The following SEMA3E variants were observed in gnomAD, a reference collection of about 807,000 sequenced individuals.
SEMA3E encodes the protein semaphorin 3E.
Under a neutral mutation model 93.6 loss-of-function variants are expected in SEMA3E, and 49 were observed. The ratio of observed to expected loss-of-function variants is 0.52; its 90% confidence interval spans 0.42 to 0.66. The LOEUF is 0.66. SEMA3E is among the 30% of genes least tolerant of loss of function. SEMA3E has a pLI of 0.00. For missense variants in SEMA3E, 906 were observed against 964.8 expected (o/e 0.94, Z 0.81); for synonymous variants, 363 against 330.7 (o/e 1.10, Z -1.06).
chr7:83,430,236 G>A (rs113805611), intron 4 of SEMA3E, among the ~76,000 whole-genome samples: 7 of 152,132 alleles, frequency 4.6e-5, no homozygotes, highest in South Asian at 2.1e-4. Context: ...AAGCCGAGGC[G>A]GGTGGATCAC....
At chr7:83,643,673 G>C (rs531875897) in intron 1 of SEMA3E, among the ~76,000 whole-genome samples, 12 of 151,986 alleles carry the variant, frequency 7.9e-5, no homozygotes, top group African/African-American at 1.4e-4. Context: ...TCATAGGAAG[G>C]CTCTCTCCAC....
In SEMA3E at chr7:83,392,631, G is replaced by C; in HGVS notation, c.1591C>G (p.Leu531Val). 1 of 1,613,906 alleles carries C rather than the reference G, an allele frequency of 6.2e-7. No individual in the cohort carries two copies. Reference protein sequence around the residue: ...MYGSACADCCLARDPYCAWDG... With the variant: ...MYGSACADCCVARDPYCAWDG... ...CAGGCACAGTAAGGGTCTCGAGCCA[G>C]GCAGCAGTCAGCACAAGCACTTCCA... The change falls in exon 14 of 17, where the codon CTG becomes GTG. Residue 531 changes from leucine (L) to valine (V), a missense_variant. Physicochemically the swap from Leu to Val is conservative, Grantham distance 32 (BLOSUM62 1). Coordinates refer to ENST00000643230, the MANE Select transcript of SEMA3E (RefSeq NM_012431.3).
chr7:83,503,305 A>T (rs1056920426), intron 1 of SEMA3E, among the ~76,000 whole-genome samples: 1 of 152,078 alleles, frequency 6.6e-6, no homozygotes. Context: ...TTGCAACAGA[A>T]AATTTGTCTT....
At chr7:83,493,730 T>C (rs1353582350) in intron 1 of SEMA3E, among the ~76,000 whole-genome samples, 7 of 151,942 alleles carry the variant, frequency 4.6e-5, no homozygotes, top group African/African-American at 1.7e-4. Context: ...TATTTTAAAA[T>C]CATAGCACTA....
chr7:83,400,677 C>T (rs765606807), intron 10 of SEMA3E, among the ~76,000 whole-genome samples: 1 of 151,992 alleles, frequency 6.6e-6, no homozygotes, highest in Non-Finnish European at 1.5e-5. Context: ...AAACATGCAG[C>T]ACAAGATATA....
intron 2 of SEMA3E, among the ~76,000 whole-genome samples, chr7:83,481,413 A>C (rs75049571): frequency 0.017 from 2,531 of 152,282 alleles, 68 homozygotes; most frequent in African/African-American, 0.058. Context: ...TCAATTTCTT[A>C]AAACGTTAAA....
intron 1 of SEMA3E, among the ~76,000 whole-genome samples, chr7:83,636,462 A>G (rs1793884262): frequency 6.6e-6 from 1 of 152,198 alleles, no homozygotes; most frequent in Admixed American, 6.5e-5. Context: ...CTATATAGAT[A>G]GAATTAAATT....
chr7:83,569,152 A>G (rs921326463), intron 1 of SEMA3E, among the ~76,000 whole-genome samples: 5 of 152,032 alleles, frequency 3.3e-5, no homozygotes, highest in African/African-American at 7.2e-5. Flanking sequence ...CAAAAAAAAA[A>G]AAATCTTATA....
At chr7:83,432,063 G>A (rs1270422555) in intron 4 of SEMA3E, among the ~76,000 whole-genome samples, 3 of 151,586 alleles carry the variant, frequency 2.0e-5, no homozygotes, top group African/African-American at 4.9e-5. Context: ...TCAGTGCAGT[G>A]CAGCCTTTGA....
intron 2 of SEMA3E, among the ~76,000 whole-genome samples, chr7:83,471,598 T>C (rs1789895557): frequency 6.6e-6 from 1 of 152,102 alleles, no homozygotes. Context: ...CTCAAAACAC[T>C]TAAATACTGT....
At chr7:83,593,301 TGTGTGTGTGTGTGTGTG>T (rs1792797451) in intron 1 of SEMA3E, among the ~76,000 whole-genome samples, 1 of 42,782 alleles carries the variant, frequency 2.3e-5, no homozygotes, top group Admixed American at 2.8e-4. Flanking sequence ...TGTGTGTGTG[TGTGTGTGTGTGTGTGTG>T]TGTGTGTGTG....
intron 5 of SEMA3E, among the ~76,000 whole-genome samples, chr7:83,410,357 T>C (rs1030027280): frequency 2.0e-5 from 3 of 152,060 alleles, no homozygotes; most frequent in East Asian, 3.8e-4. Context: ...TAAAAAGATA[T>C]ATTTGTTGAG....
At chr7:83,441,229 A>T (rs763925191) in intron 4 of SEMA3E, among the ~76,000 whole-genome samples, 2 of 152,246 alleles carry the variant, frequency 1.3e-5, no homozygotes, top group African/African-American at 4.8e-5. Context: ...AAGTTAGGTT[A>T]CAAAAATTAG....
At chr7:83,413,022 T>C (rs937545224) in intron 5 of SEMA3E, among the ~76,000 whole-genome samples, 1 of 152,152 alleles carries the variant, frequency 6.6e-6, no homozygotes, top group African/African-American at 2.4e-5. Flanking sequence ...AAATTGCTTA[T>C]GTGAAAGAAA....
intron 1 of SEMA3E, among the ~76,000 whole-genome samples, chr7:83,495,652 A>T (rs1044334831): frequency 1.3e-5 from 2 of 151,964 alleles, no homozygotes; most frequent in African/African-American, 2.4e-5. Flanking sequence ...ATTTTAAAGA[A>T]GTAAAAATAT....
chr7:83,596,155 C>A (rs78043441), intron 1 of SEMA3E, among the ~76,000 whole-genome samples: 6,435 of 151,916 alleles, frequency 0.042, 372 homozygotes, highest in African/African-American at 0.13. Flanking sequence ...GGTTATGATC[C>A]AGTAATATCA....
At chr7:83,537,410 G>A (rs536663975) in intron 1 of SEMA3E, among the ~76,000 whole-genome samples, 114 of 152,264 alleles carry the variant, frequency 7.5e-4, no homozygotes, top group Non-Finnish European at 1.4e-3. Context: ...CCGCTCCCTT[G>A]GGAGCCCTTT....
intron 1 of SEMA3E, among the ~76,000 whole-genome samples, chr7:83,505,689 G>T (rs1215457931): frequency 6.6e-6 from 1 of 152,018 alleles, no homozygotes; most frequent in Non-Finnish European, 1.5e-5. Context: ...CTATCATTAT[G>T]GAAAGATAAG....
intron 5 of SEMA3E, among the ~76,000 whole-genome samples, chr7:83,411,215 T>C (rs2709959): frequency 0.51 from 77,035 of 151,872 alleles, 22,417 homozygotes; most frequent in East Asian, 0.85. Flanking sequence ...AATACCATAT[T>C]CAGAGACAAT....
Sources: gnomAD v4.1 joint callset for allele counts (sites outside exome capture counted in the v4.1 genomes callset) on GRCh38, gnomAD v4.1.1 for gene constraint, MANE v1.5 for transcripts, NCBI Gene and HGNC (gene_info 2026-07-23, HGNC 2026-07-21) for gene names.